The following MALRD1 variants were observed in gnomAD, a reference collection of about 807,000 sequenced individuals.
The protein encoded by MALRD1 is MAM and LDL-receptor class A domain-containing protein 1.
In MALRD1, 247 loss-of-function variants were observed where a neutral mutation model predicts 242.1. That is an observed-to-expected ratio of 1.02 (90% confidence interval 0.92 to 1.13). The LOEUF is 1.13. MALRD1 is among the 50% of genes most tolerant of loss of function. MALRD1 has a pLI of 0.00. For missense variants in MALRD1, 2,989 were observed against 2,533.1 expected, an observed-to-expected ratio of 1.18 and a Z score of -3.86; for synonymous variants, 995 against 866.6, an observed-to-expected ratio of 1.15 and a Z score of -2.60.
At chr10:19,692,642 C>G (rs1213531153) in intron 38 of MALRD1, 88 bp downstream of exon 38, 11 of 1,020,688 alleles carry the variant, frequency 1.1e-5, no homozygotes, top group South Asian at 1.5e-5. Flanking sequence ...TTCTTTCACT[C>G]CATATTACAT....
intron 4 of MALRD1, among the ~76,000 whole-genome samples, chr10:19,095,407 G>A (rs570933568): frequency 6.6e-6 from 1 of 152,214 alleles, no homozygotes; most frequent in African/African-American, 2.4e-5. Context: ...AACTCCCATT[G>A]GAAACACTAA....
intron 36 of MALRD1, among the ~76,000 whole-genome samples, chr10:19,634,740 A>G (rs936414984): frequency 2.0e-5 from 3 of 152,306 alleles, no homozygotes; most frequent in Admixed American, 6.5e-5. Flanking sequence ...ACAGCTAAAA[A>G]ATAATCATAG....
chr10:19,298,238 C>G (rs1358673884), intron 21 of MALRD1, among the ~76,000 whole-genome samples: 1 of 151,774 alleles, frequency 6.6e-6, no homozygotes, highest in Non-Finnish European at 1.5e-5. Flanking sequence ...CCACTAATCC[C>G]TTCCCCACAA....
chr10:19,161,550 CAAA>C, intron 12 of MALRD1, among the ~76,000 whole-genome samples: 4 of 60,840 alleles, frequency 6.6e-5, no homozygotes, highest in East Asian at 5.4e-4. Context: ...AAAAAAAAAG[CAAA>C]AAAAAAAAAA....
At chr10:19,513,495 T>G (rs2131295303) in intron 31 of MALRD1, among the ~76,000 whole-genome samples, 1 of 150,652 alleles carries the variant, frequency 6.6e-6, no homozygotes, top group East Asian at 2.0e-4. Context: ...ATCTCAGCAC[T>G]TTGGGAGGCC....
chr10:19,228,291 C>T (rs1588728748), intron 18 of MALRD1, among the ~76,000 whole-genome samples: 1 of 152,216 alleles, frequency 6.6e-6, no homozygotes, highest in East Asian at 1.9e-4. Context: ...AGAAGCTAGA[C>T]ATGAAAGACA....
At chr10:19,237,724 A>T (rs1439492643) in intron 18 of MALRD1, among the ~76,000 whole-genome samples, 1 of 117,076 alleles carries the variant, frequency 8.5e-6, no homozygotes, top group Non-Finnish European at 1.7e-5. Context: ...TTATATATAA[A>T]TATATAATTA....
At chr10:19,236,858 C>T (rs1041649233) in intron 18 of MALRD1, among the ~76,000 whole-genome samples, 1 of 151,980 alleles carries the variant, frequency 6.6e-6, no homozygotes, top group Admixed American at 6.6e-5. Flanking sequence ...AGCTAGGATT[C>T]TTTCAAAATT....
At chr10:19,425,625 G>A (rs12267418) in intron 28 of MALRD1, among the ~76,000 whole-genome samples, 26,651 of 152,174 alleles carry the variant, frequency 0.18, 3,571 homozygotes, top group African/African-American at 0.38. Context: ...GTGAGGGACA[G>A]TGTACCTGTT....
intron 19 of MALRD1, among the ~76,000 whole-genome samples, chr10:19,278,338 T>C (rs901520085): frequency 6.6e-6 from 1 of 152,230 alleles, no homozygotes; most frequent in Non-Finnish European, 1.5e-5. Flanking sequence ...GGCATCTTAT[T>C]TGACTCCCAT....
intron 21 of MALRD1, among the ~76,000 whole-genome samples, chr10:19,291,904 G>C (rs1841446734): frequency 6.6e-6 from 1 of 151,656 alleles, no homozygotes; most frequent in South Asian, 2.1e-4. Context: ...GGTCAACTTG[G>C]TGAAACCCCA....
At chr10:19,094,836 A>G (rs1423898973) in intron 4 of MALRD1, among the ~76,000 whole-genome samples, 1 of 152,238 alleles carries the variant, frequency 6.6e-6, no homozygotes, top group African/African-American at 2.4e-5. Flanking sequence ...CCTATAAAAC[A>G]CAAACTTATT....
chr10:19,464,233 C>G (rs1426371618), intron 29 of MALRD1, among the ~76,000 whole-genome samples: 4 of 152,062 alleles, frequency 2.6e-5, no homozygotes, highest in Admixed American at 2.0e-4. Flanking sequence ...ACCTGTTTAT[C>G]TTTGTTTTTG....
At chr10:19,471,416 G>A (rs892715399) in intron 29 of MALRD1, among the ~76,000 whole-genome samples, 24 of 151,476 alleles carry the variant, frequency 1.6e-4, no homozygotes, top group African/African-American at 5.8e-4. Context: ...GTCTAATCAG[G>A]GTATTTTGTA....
chr10:19,687,908 TTAATGTTATG>T (rs1187495766), intron 36 of MALRD1, among the ~76,000 whole-genome samples: 50 of 145,654 alleles, frequency 3.4e-4, no homozygotes, highest in African/African-American at 1.2e-3. Context: ...ATTTATTTTT[TTAATGTTATG>T]TTATGTTATG....
At chr10:19,343,863 T>C (rs1342010710) in intron 24 of MALRD1, among the ~76,000 whole-genome samples, 1 of 152,134 alleles carries the variant, frequency 6.6e-6, no homozygotes, top group Non-Finnish European at 1.5e-5. Context: ...TTACCCTTCT[T>C]ATAACTGAGG....
intron 18 of MALRD1, among the ~76,000 whole-genome samples, chr10:19,238,239 TAA>T (rs1398950781): frequency 3.0e-5 from 2 of 67,548 alleles, no homozygotes; most frequent in African/African-American, 1.2e-4. Context: ...ATATTATATA[TAA>T]TATGTAATAT....
intron 1 of MALRD1, among the ~76,000 whole-genome samples, chr10:19,050,628 A>G (rs1407505344): frequency 6.6e-6 from 1 of 152,100 alleles, no homozygotes; most frequent in African/African-American, 2.4e-5. Context: ...CTACTCAGTA[A>G]CCATTCAATA....
intron 31 of MALRD1, among the ~76,000 whole-genome samples, chr10:19,507,382 G>A (rs569880905): frequency 2.6e-5 from 4 of 152,050 alleles, no homozygotes; most frequent in South Asian, 2.1e-4. Flanking sequence ...TAGAAAAATC[G>A]TTCCCACAAA....
Sources: gnomAD v4.1 joint callset for allele counts (sites outside exome capture counted in the v4.1 genomes callset) on GRCh38, gnomAD v4.1.1 for gene constraint, MANE v1.5 for transcripts, NCBI Gene and HGNC (gene_info 2026-07-23, HGNC 2026-07-21) for gene names.